ARB2A: variants seen among roughly 807,000 people sequenced by gnomAD.
ARB2A encodes the protein cotranscriptional regulator ARB2A.
At chr5:93,754,347 T>A in the ARB2A span, among the ~76,000 whole-genome samples, 1 of 152,216 alleles carries the variant, frequency 6.6e-6, no homozygotes, top group African/African-American at 2.4e-5. Context: ...TGTGGGACCT[T>A]CATCTATTGC....
the ARB2A span, among the ~76,000 whole-genome samples, chr5:94,030,951 C>G: frequency 5.3e-5 from 8 of 152,202 alleles, no homozygotes; most frequent in African/African-American, 1.9e-4. Flanking sequence ...AGAAGCCAAA[C>G]AGACAATGGC....
the ARB2A span, among the ~76,000 whole-genome samples, chr5:94,082,319 A>G: frequency 2.0e-5 from 3 of 152,204 alleles, no homozygotes; most frequent in African/African-American, 7.2e-5. Context: ...ACAAGAATTG[A>G]AATTTGGTAA....
At chr5:93,920,590 C>T in the ARB2A span, among the ~76,000 whole-genome samples, 1 of 151,924 alleles carries the variant, frequency 6.6e-6, no homozygotes, top group Non-Finnish European at 1.5e-5. Flanking sequence ...TATGTAGATA[C>T]CAGTCTATTT....
chr5:93,829,555 T>C, the ARB2A span, among the ~76,000 whole-genome samples: 1 of 152,218 alleles, frequency 6.6e-6, no homozygotes, highest in Non-Finnish European at 1.5e-5. Context: ...TATCAAATTC[T>C]TGAGGCCAAG....
chr5:93,745,647 C>T, the ARB2A span, among the ~76,000 whole-genome samples: 1 of 152,056 alleles, frequency 6.6e-6, no homozygotes, highest in Non-Finnish European at 1.5e-5. Context: ...ATAAGAAGCT[C>T]TAGTTCTCTG....
chr5:93,951,756 T>G, the ARB2A span, among the ~76,000 whole-genome samples: 1 of 152,238 alleles, frequency 6.6e-6, no homozygotes, highest in African/African-American at 2.4e-5. Context: ...TCAAGTGAAG[T>G]GGCTCACGCC....
the ARB2A span, among the ~76,000 whole-genome samples, chr5:93,673,207 T>C: frequency 6.6e-6 from 1 of 152,172 alleles, no homozygotes; most frequent in Non-Finnish European, 1.5e-5. Flanking sequence ...TAATTAAAAA[T>C]AGAGAGTTTT....
the ARB2A span, among the ~76,000 whole-genome samples, chr5:93,978,799 T>C: frequency 6.6e-6 from 1 of 152,084 alleles, no homozygotes; most frequent in Non-Finnish European, 1.5e-5. Context: ...AAAATATTCT[T>C]TCTATATTAC....
the ARB2A span, among the ~76,000 whole-genome samples, chr5:93,923,449 A>G: frequency 1.3e-5 from 2 of 152,180 alleles, no homozygotes; most frequent in African/African-American, 2.4e-5. Context: ...AACTGCAGGA[A>G]TTGTGGGTAA....
the ARB2A span, chr5:94,053,116 A>G: frequency 1.9e-6 from 2 of 1,069,558 alleles, no homozygotes; most frequent in Admixed American, 2.3e-5. Flanking sequence ...TAGATAGATA[A>G]CCCACTTACT....
At chr5:94,038,499 A>G in the ARB2A span, among the ~76,000 whole-genome samples, 1 of 152,154 alleles carries the variant, frequency 6.6e-6, no homozygotes, top group Non-Finnish European at 1.5e-5. Context: ...AAATATATAC[A>G]TATTAGCAAA....
the ARB2A span, among the ~76,000 whole-genome samples, chr5:94,074,963 A>G: frequency 6.6e-6 from 1 of 152,188 alleles, no homozygotes; most frequent in South Asian, 2.1e-4. Context: ...AGCTAATGGC[A>G]TACAAGCCAC....
At chr5:93,698,311 C>G in the ARB2A span, among the ~76,000 whole-genome samples, 1 of 151,978 alleles carries the variant, frequency 6.6e-6, no homozygotes, top group Non-Finnish European at 1.5e-5. Context: ...AGGCACTGTT[C>G]CAGGTGCTAG....
the ARB2A span, among the ~76,000 whole-genome samples, chr5:93,640,574 ATGTGTG>A: frequency 7.7e-5 from 11 of 143,616 alleles, no homozygotes; most frequent in Middle Eastern, 3.6e-3. Flanking sequence ...GTGTGTGTGT[ATGTGTG>A]TGTGTGTGTG....
At chr5:93,737,956 A>G in the ARB2A span, 1 of 445,754 alleles carries the variant, frequency 2.2e-6, no homozygotes. Flanking sequence ...CAACAAAAGA[A>G]AAAATGGATA....
chr5:93,776,347 T>G, the ARB2A span: 2 of 766,296 alleles, frequency 2.6e-6, no homozygotes, highest in Middle Eastern at 2.5e-4. Flanking sequence ...TAGAGTGTAT[T>G]CAATTTATTT....
At chr5:93,799,881 C>T in the ARB2A span, among the ~76,000 whole-genome samples, 19 of 151,948 alleles carry the variant, frequency 1.3e-4, no homozygotes, top group African/African-American at 4.6e-4. Context: ...GAAAAAAATA[C>T]CAGCATGAAA....
the ARB2A span, among the ~76,000 whole-genome samples, chr5:93,973,632 C>T: frequency 1.3e-5 from 2 of 151,188 alleles, no homozygotes; most frequent in African/African-American, 2.4e-5. Context: ...TATCCAAGAT[C>T]AATGCAAAAA....
At chr5:93,765,499 G>A in the ARB2A span, among the ~76,000 whole-genome samples, 1 of 152,206 alleles carries the variant, frequency 6.6e-6, no homozygotes, top group Non-Finnish European at 1.5e-5. Context: ...GGACGTGAAG[G>A]ACCTCTTCAA....
Sources: gnomAD v4.1 joint callset for allele counts (sites outside exome capture counted in the v4.1 genomes callset) on GRCh38, gnomAD v4.1.1 for gene constraint, MANE v1.5 for transcripts, NCBI Gene and HGNC (gene_info 2026-07-23, HGNC 2026-07-21) for gene names.